Variants in TBC1D9 observed in about 807,000 individuals in gnomAD.
TBC1D9 encodes the protein TBC1 domain family member 9A.
Under a neutral mutation model 132.0 loss-of-function variants are expected in TBC1D9, and 63 were observed. The observed-to-expected ratio is 0.48, with a 90% CI of 0.39 to 0.59. TBC1D9 has a LOEUF of 0.59. Ranked by LOEUF, TBC1D9 falls within the 20% of genes least tolerant of loss-of-function variation. TBC1D9 has a pLI of 0.00. For missense variants in TBC1D9, 1,261 were observed against 1,592.7 expected (o/e 0.79, Z 3.54); for synonymous variants, 610 against 609.9 (o/e 1.00, Z 0.00).
At position 140,687,319 on chromosome 4, in the gene TBC1D9, A is replaced by ATGTG. The variant is rs1216278514; in HGVS notation, c.242-858_242-857insCACA. On this transcript the variant is annotated intron_variant, in intron 2 of 20. Coordinates refer to ENST00000442267, the MANE Select transcript of TBC1D9 (RefSeq NM_015130.3). The stretch of plus-strand genomic sequence containing the variant: ...TCATATATATGTGTGCCATATATAT[A>ATGTG]TATGTGTGTGTGTGTGTGTGTGTCA... Among the ~76,000 whole-genome samples the ATGTG allele has an allele frequency of 2.0e-4, 13 of 63,880 alleles. No homozygotes were observed. In the East Asian group the frequency reaches 2.7e-3, roughly 13 times the overall value. 41.9% of individuals were successfully genotyped at this position (63,880 alleles called of 152,430 possible).
chr4:140,659,529 C>A, intron 11 of TBC1D9, 59 bp downstream of exon 11: 1 of 1,269,362 alleles, frequency 7.9e-7, no homozygotes, highest in Non-Finnish European at 1.1e-6. Flanking sequence ...GCTGGCACCT[C>A]TCTAAAAGCA....
At chr4:140,673,653 C>A (rs573565906) in intron 6 of TBC1D9, among the ~76,000 whole-genome samples, 2 of 152,284 alleles carry the variant, frequency 1.3e-5, no homozygotes, top group African/African-American at 2.4e-5. Flanking sequence ...TCTCACTGAG[C>A]GCTTCTTTAA....
At chr4:140,695,185 C>A (rs929849451) in intron 2 of TBC1D9, among the ~76,000 whole-genome samples, 39 of 152,132 alleles carry the variant, frequency 2.6e-4, no homozygotes, top group African/African-American at 9.4e-4. Context: ...CTTAAGAAGT[C>A]CTGGGATGGG....
intron 13 of TBC1D9, among the ~76,000 whole-genome samples, chr4:140,641,103 A>AAAAAAAAAAAAAAAAAAG (rs1736984208): frequency 1.8e-5 from 1 of 56,702 alleles, no homozygotes; most frequent in Non-Finnish European, 3.6e-5. Flanking sequence ...AAAAAAAAAA[A>AAAAAAAAAAAAAAAAAAG]ACAAAAAAAA....
intron 3 of TBC1D9, 31 bp from the exon 4 acceptor site, chr4:140,679,874 C>G (rs1335935687): frequency 6.4e-7 from 1 of 1,558,086 alleles, no homozygotes; most frequent in Admixed American, 1.8e-5. Context: ...AAGCACACAA[C>G]TGGTATTAAT....
intron 1 of TBC1D9, among the ~76,000 whole-genome samples, chr4:140,714,286 C>T (rs745427280): frequency 2.9e-4 from 44 of 152,132 alleles, no homozygotes; most frequent in Non-Finnish European, 5.4e-4. Flanking sequence ...AGAACATGTA[C>T]CCATGGTGGC....
chr4:140,700,889 C>G (rs1738058859), intron 2 of TBC1D9: 1 of 152,022 alleles, frequency 6.6e-6, no homozygotes, highest in Admixed American at 6.6e-5. Flanking sequence ...AAAAGGAGTT[C>G]CATCTGCAAC....
At chr4:140,692,767 C>T (rs889359175) in intron 2 of TBC1D9, among the ~76,000 whole-genome samples, 1 of 152,108 alleles carries the variant, frequency 6.6e-6, no homozygotes, top group Non-Finnish European at 1.5e-5. Flanking sequence ...CACCTGTAAT[C>T]CCAGCACTTT....
chr4:140,641,980 G>T lies in TBC1D9; in HGVS notation c.2338-2552C>A. On this transcript the variant is annotated intron_variant, in intron 13 of 20. Coordinates refer to ENST00000442267, the MANE Select transcript of TBC1D9 (RefSeq NM_015130.3). ...ACCTTAGTCAAATGAATCTTCCGAA[G>T]AGTCGCTGAAGGAGGAATGCACCTT... The T allele has an allele frequency of 5.2e-6, 3 of 576,170 alleles. No homozygotes were observed. In the South Asian group the frequency reaches 6.0e-5, roughly 12 times the overall value. The allele number at this position is 576,170 out of a possible 1,614,324, so 35.7% of individuals were successfully genotyped here. A position where few individuals can be genotyped will look rare whatever the true frequency, so the allele number is the denominator to read the frequency against.
At chr4:140,741,815 A>C (rs190992833) in intron 1 of TBC1D9, among the ~76,000 whole-genome samples, 5 of 152,318 alleles carry the variant, frequency 3.3e-5, no homozygotes, top group African/African-American at 4.8e-5. Flanking sequence ...TGATCTCCAC[A>C]ACCCCTTATC....
At chr4:140,718,534 A>G (rs186272131) in intron 1 of TBC1D9, among the ~76,000 whole-genome samples, 32 of 152,338 alleles carry the variant, frequency 2.1e-4, no homozygotes, top group Admixed American at 2.0e-3. Context: ...TGAATAAGCA[A>G]CAACAATGAC....
chr4:140,634,246 A>T (rs1428036423), intron 15 of TBC1D9, 58 bp from the exon 16 acceptor site: 1 of 1,579,716 alleles, frequency 6.3e-7, no homozygotes, highest in Non-Finnish European at 8.6e-7. Context: ...CCAGAAAGAA[A>T]ACGCCCATCC....
At chr4:140,667,383 A>G (rs1236965557) in intron 9 of TBC1D9, among the ~76,000 whole-genome samples, 1 of 152,216 alleles carries the variant, frequency 6.6e-6, no homozygotes, top group Non-Finnish European at 1.5e-5. Context: ...TTTCACTTAA[A>G]ATGCAGCTAT....
intron 16 of TBC1D9, among the ~76,000 whole-genome samples, chr4:140,628,926 A>G (rs535601954): frequency 6.6e-6 from 1 of 152,242 alleles, no homozygotes; most frequent in East Asian, 1.9e-4. Context: ...CATAGCTTCA[A>G]TCGGAAGAAT....
At chr4:140,687,100 A>G (rs1737791795) in intron 2 of TBC1D9, among the ~76,000 whole-genome samples, 1 of 151,788 alleles carries the variant, frequency 6.6e-6, no homozygotes, top group Non-Finnish European at 1.5e-5. Flanking sequence ...AGCATTTAAG[A>G]TAACTCTTCC....
intron 2 of TBC1D9, among the ~76,000 whole-genome samples, chr4:140,690,813 G>A (rs1333902625): frequency 1.3e-5 from 2 of 152,038 alleles, no homozygotes; most frequent in Non-Finnish European, 2.9e-5. Context: ...GCAGAGCATG[G>A]TGAGAGCACT....
intron 1 of TBC1D9, among the ~76,000 whole-genome samples, chr4:140,712,003 C>T (rs1230164959): frequency 1.3e-5 from 2 of 152,116 alleles, no homozygotes; most frequent in Middle Eastern, 3.2e-3. Context: ...TTACCTCCAA[C>T]CTTTTATTTT....
chr4:140,623,986 A>T, intron 20 of TBC1D9, 130 bp downstream of exon 20: 2 of 714,032 alleles, frequency 2.8e-6, no homozygotes, highest in Non-Finnish European at 4.4e-6. Flanking sequence ...ATAGGTCCAA[A>T]TGGATACTAA....
At chr4:140,661,848 A>C (rs747422296) in intron 10 of TBC1D9, 45 bp downstream of exon 10, 2 of 1,498,916 alleles carry the variant, frequency 1.3e-6, no homozygotes, top group African/African-American at 2.8e-5. Context: ...AAATGAATAG[A>C]AATTTTATTT....
Sources: gnomAD v4.1 joint callset for allele counts (sites outside exome capture counted in the v4.1 genomes callset) on GRCh38, gnomAD v4.1.1 for gene constraint, MANE v1.5 for transcripts, NCBI Gene and HGNC (gene_info 2026-07-23, HGNC 2026-07-21) for gene names.